The following ZGPAT variants were observed in gnomAD, a reference collection of about 807,000 sequenced individuals.
The protein encoded by ZGPAT is zinc finger CCCH-type and G-patch domain containing.
ZGPAT carries 39 observed loss-of-function variants against 47.9 expected under a neutral mutation model. That is an observed-to-expected ratio of 0.81 (90% confidence interval 0.63 to 1.06). The LOEUF (loss-of-function observed/expected upper bound fraction) is 1.06. Ranked by LOEUF, ZGPAT falls within the 50% of genes least tolerant of loss-of-function variation. ZGPAT has a pLI of 0.00. For synonymous variants in ZGPAT, 348 were observed against 292.9 expected (o/e 1.19, Z -1.92); for missense variants, 717 against 681.4 (o/e 1.05, Z -0.58).
chr20:63,711,514 C>T (rs2091667555), intron 2 of ZGPAT, among the ~76,000 whole-genome samples: 1 of 152,214 alleles, frequency 6.6e-6, no homozygotes, highest in Admixed American at 6.5e-5. Context: ...CGGCATCAGG[C>T]CTGATCTGAA....
chr20:63,726,653 G>T (rs1166550552), intron 2 of ZGPAT, among the ~76,000 whole-genome samples: 8 of 151,762 alleles, frequency 5.3e-5, no homozygotes, highest in Non-Finnish European at 1.0e-4. Flanking sequence ...CTCCCCAGTA[G>T]CTGGGACTGC....
At position 63,713,021 on chromosome 20, in the gene ZGPAT, A is replaced by G. The variant is rs763142473; in HGVS notation, c.584+3857A>G. On this transcript the variant is annotated intron_variant, in intron 2 of 6. Coordinates refer to ENST00000355969, the MANE Select transcript of ZGPAT (RefSeq NM_181485.3). ...ATTTTGTACTGTTCAAGTCTTGCAC[A>G]TTCTTGGTTAAATAAGTATTATTTT... is the stretch of plus-strand genomic sequence containing the variant. Among the ~76,000 whole-genome samples, 9 of 152,110 alleles carry G rather than the reference A, an allele frequency of 5.9e-5. No individual in the cohort carries two copies. The South Asian group carries it at 6.2e-4, about 11-fold the overall frequency.
intron 2 of ZGPAT, among the ~76,000 whole-genome samples, chr20:63,730,862 A>G (rs1381074409): frequency 1.3e-5 from 2 of 148,618 alleles, no homozygotes; most frequent in Non-Finnish European, 3.0e-5. Context: ...TTGGTTTTTC[A>G]TGTCTTTATT....
intron 2 of ZGPAT, chr20:63,730,018 G>GCACACACA (rs112508718): frequency 0.16 from 23,620 of 146,832 alleles, 2,141 homozygotes; most frequent in African/African-American, 0.2. Context: ...AGACTCTACT[G>GCACACACA]CGCACACACA....
At chr20:63,732,178 T>C (rs1226238641) in intron 2 of ZGPAT, among the ~76,000 whole-genome samples, 3 of 150,714 alleles carry the variant, frequency 2.0e-5, no homozygotes, top group East Asian at 3.9e-4. Flanking sequence ...TGACTGCATA[T>C]GTGTGTGCAT....
In ZGPAT at chr20:63,727,577, C is replaced by T. The variant is rs1158463269; in HGVS notation, c.585-5642C>T. Among the ~76,000 whole-genome samples the T allele has an allele frequency of 2.7e-5, 4 of 149,332 alleles. No homozygotes were observed. The Admixed American group carries it at 2.7e-4, about 10-fold the overall frequency. Reference sequence around the variant, plus strand: ...TCCCAGCTACTCCAGAGACTGAGGCCTGAGAATTGCTTGAACTTGGGAGGT... The same window carrying T: ...TCCCAGCTACTCCAGAGACTGAGGCTTGAGAATTGCTTGAACTTGGGAGGT... On this transcript the variant is annotated intron_variant, in intron 2 of 6. Transcript: ENST00000355969.
At chr20:63,709,319 G>A (rs988212234) in intron 2 of ZGPAT, among the ~76,000 whole-genome samples, 155 bp downstream of exon 2, 1 of 152,146 alleles carries the variant, frequency 6.6e-6, no homozygotes, top group African/African-American at 2.4e-5. Flanking sequence ...AGGCGTCTAC[G>A]TCTTCCTTCT....
rs1568799385 is a variant in ZGPAT at position 63,732,339 on chromosome 20, G to GT, written c.585-880_585-879insT. Among the ~76,000 whole-genome samples, 5 of 44,970 alleles carry GT rather than the reference G, an allele frequency of 1.1e-4. No homozygotes were observed. The East Asian group carries it at 1.4e-3, about 13-fold the overall frequency. The allele number at this position is 44,970 out of a possible 152,430, so 29.5% of individuals were successfully genotyped here. A position where few individuals can be genotyped will look rare whatever the true frequency, so the allele number is the denominator to read the frequency against. On this transcript the variant is annotated intron_variant, in intron 2 of 6. Transcript: ENST00000355969. ...AGGGGGCATGTGTGTGCACGTGTGT[G>GT]GGTGAGGTGTGTGTGTGCATGTGTC...
intron 2 of ZGPAT, among the ~76,000 whole-genome samples, chr20:63,729,690 A>G (rs1408011334): frequency 6.6e-6 from 1 of 152,018 alleles, no homozygotes; most frequent in Non-Finnish European, 1.5e-5. Flanking sequence ...ACTTCTCTCC[A>G]TGGTTAGAAA....
At chr20:63,729,039 T>C (rs991678336) in intron 2 of ZGPAT, among the ~76,000 whole-genome samples, 1 of 151,072 alleles carries the variant, frequency 6.6e-6, no homozygotes, top group Non-Finnish European at 1.5e-5. Context: ...TTTTTCTTTT[T>C]TTTTTTTTTT....
chr20:63,734,869 T>C (rs768275697), intron 5 of ZGPAT, 45 bp downstream of exon 5: 5 of 1,531,372 alleles, frequency 3.3e-6, no homozygotes, highest in Admixed American at 2.1e-5. Flanking sequence ...TGCTGCAGCA[T>C]AGCCCAGGTC....
At chr20:63,725,225 C>T (rs953465771) in intron 2 of ZGPAT, among the ~76,000 whole-genome samples, 1 of 152,162 alleles carries the variant, frequency 6.6e-6, no homozygotes, top group Admixed American at 6.5e-5. Context: ...ACCTCGTGAT[C>T]CGCCCGCCTT....
chr20:63,708,971 G>A lies in ZGPAT; in HGVS notation c.391G>A (p.Gly131Arg). 2 of 1,613,502 alleles carry A rather than the reference G, an allele frequency of 1.2e-6. No homozygotes were observed. Among genetic ancestry groups the A allele is most frequent in the Non-Finnish European group, 1.7e-6 (2 of 1,180,010 alleles). Residue 131 changes from glycine to arginine, a missense_variant, in exon 2 of 7, where the codon GGG becomes AGG. Physicochemically the swap from Gly to Arg is moderately radical, Grantham distance 125. Coordinates refer to ENST00000355969, the MANE Select transcript of ZGPAT (RefSeq NM_181485.3). ...GGGAGAGGACGAGGAAGAGCTGAGT[G>A]GGACAAAGGTGAGCGCGCCCTACTA... The part of the protein sequence containing the change: ...EEGEDEEELS[G>R]TKVSAPYYSS...
Position 63,724,968 on chromosome 20 carries a change from A to C in ZGPAT, c.585-8251A>C, listed in dbSNP as rs1180531496. On this transcript the variant is annotated intron_variant, in intron 2 of 6. Coordinates refer to ENST00000355969, the MANE Select transcript of ZGPAT (RefSeq NM_181485.3). ...GGGATTACCATGAGCCACCACGCCC[A>C]GCCCATTTAGAATTTCTTTTTTTTT... Among the ~76,000 whole-genome samples the C allele has an allele frequency of 6.1e-5, 9 of 148,198 alleles. No individual in the cohort carries two copies. The East Asian group carries it at 1.8e-3, about 30-fold the overall frequency.
intron 2 of ZGPAT, among the ~76,000 whole-genome samples, chr20:63,717,332 CTT>C (rs1173734420): frequency 1.8e-3 from 110 of 60,952 alleles, no homozygotes; most frequent in East Asian, 8.7e-3. Context: ...TTTTTCTTTT[CTT>C]TTTTTTTTTT....
At chr20:63,721,642 C>T (rs1165646023) in intron 2 of ZGPAT, among the ~76,000 whole-genome samples, 1 of 152,198 alleles carries the variant, frequency 6.6e-6, no homozygotes, top group African/African-American at 2.4e-5. Context: ...TTCCCAGCCT[C>T]TTCCTTCCTA....
chr20:63,714,646 T>C (rs552513245), intron 2 of ZGPAT, among the ~76,000 whole-genome samples: 6 of 151,954 alleles, frequency 3.9e-5, no homozygotes, highest in African/African-American at 1.2e-4. Context: ...TGAAAGGGTG[T>C]TGATTTTTTT....
chr20:63,733,161 G>C lies in ZGPAT; in HGVS notation c.585-58G>C, dbSNP rs2091940352. The C allele has an allele frequency of 6.9e-6, 11 of 1,589,662 alleles. No individual in the cohort carries two copies. In the East Asian group the frequency reaches 2.5e-4, roughly 36 times the overall value. On this transcript the variant is annotated intron_variant, in intron 2 of 6. Coordinates refer to ENST00000355969, the MANE Select transcript of ZGPAT (RefSeq NM_181485.3). ...CAGGCGGATGGGTCAGTGCTCCTGG[G>C]TTGGTTTGCCCCTGGTGGCCCATGT... is the stretch of plus-strand genomic sequence containing the variant.
At chr20:63,735,620 G>C in intron 6 of ZGPAT, 56 bp downstream of exon 6, 1 of 1,498,384 alleles carries the variant, frequency 6.7e-7, no homozygotes, top group Non-Finnish European at 8.9e-7. Flanking sequence ...CCTGCCCCCG[G>C]GATACATGCT....
Sources: allele counts gnomAD v4.1 joint callset (sites outside exome capture counted in the v4.1 genomes callset), GRCh38; gene constraint gnomAD v4.1.1; transcripts MANE v1.5; gene names NCBI Gene and HGNC (gene_info 2026-07-23, HGNC 2026-07-21).